The following MLIP variants were observed in gnomAD, a reference collection of about 807,000 sequenced individuals.
MLIP encodes the protein muscular LMNA-interacting protein.
MLIP carries 79 observed loss-of-function variants against 84.8 expected under a neutral mutation model. The ratio of observed to expected loss-of-function variants is 0.93; its 90% CI spans 0.78 to 1.12. The LOEUF is 1.12. MLIP is among the 50% of genes most tolerant of loss of function. The pLI is 0.00. For synonymous variants in MLIP, 504 were observed against 463.0 expected (o/e 1.09, Z -1.14); for missense variants, 1,257 against 1,160.6 (o/e 1.08, Z -1.21).
At chr6:54,191,137 G>A (rs1005777759) in intron 10 of MLIP, among the ~76,000 whole-genome samples, 1 of 151,996 alleles carries the variant, frequency 6.6e-6, no homozygotes, top group Non-Finnish European at 1.5e-5. Context: ...GTCTAAAATT[G>A]TAAATTCCTG....
intron 3 of MLIP, among the ~76,000 whole-genome samples, chr6:54,125,299 T>C (rs1000929948): frequency 6.6e-6 from 1 of 152,170 alleles, no homozygotes; most frequent in African/African-American, 2.4e-5. Context: ...CCATTGATTT[T>C]AAATTAGTAA....
chr6:54,107,626 T>G (rs1769112478), upstream of MLIP, among the ~76,000 whole-genome samples: 1 of 152,198 alleles, frequency 6.6e-6, no homozygotes, highest in Non-Finnish European at 1.5e-5. Context: ...GAAAACAACC[T>G]GACATGCATT....
intron 5 of MLIP, among the ~76,000 whole-genome samples, chr6:54,156,305 C>T (rs1774027998): frequency 6.6e-6 from 1 of 151,992 alleles, no homozygotes; most frequent in Non-Finnish European, 1.5e-5. Context: ...AAAATACAGC[C>T]TGAGTATTTT....
chr6:54,037,302 G>T (rs1483509245), intron 1 of MLIP, among the ~76,000 whole-genome samples: 1 of 151,928 alleles, frequency 6.6e-6, no homozygotes, highest in Non-Finnish European at 1.5e-5. Context: ...CTGAACTCTT[G>T]CTAATCTTCT....
chr6:54,200,028 G>A (rs1474621699), intron 10 of MLIP, among the ~76,000 whole-genome samples: 1 of 152,026 alleles, frequency 6.6e-6, no homozygotes, highest in Non-Finnish European at 1.5e-5. Context: ...TCAAATCCAG[G>A]AAACTCATAA....
rs1351172363 is a variant in MLIP at position 54,064,970 on chromosome 6, C to A, written c.63+45879C>A. Among the ~76,000 whole-genome samples, 50 of 99,292 alleles carry A rather than the reference C, an allele frequency of 5.0e-4. 19 individuals are homozygous for A. The highest frequency in any genetic ancestry group is 1.1e-3 in the Non-Finnish European group (39 of 34,566). 65.1% of individuals were successfully genotyped at this position (99,292 alleles called of 152,430 possible). On this transcript the variant is annotated intron_variant, in intron 1 of 12. Transcript: ENST00000274897. The stretch of plus-strand genomic sequence containing the variant: ...TAACCTACCAACATACAACAACAAC[C>A]ACAGAAAACACAAACTGATCTGAAG...
chr6:54,131,084 TAAG>T (rs1344571387), intron 3 of MLIP, among the ~76,000 whole-genome samples: 14 of 152,280 alleles, frequency 9.2e-5, no homozygotes, highest in African/African-American at 2.6e-4. Flanking sequence ...AGAAATCTGT[TAAG>T]AAGTTAGTGG....
chr6:54,254,248 T>A (rs543313975), intron 12 of MLIP, among the ~76,000 whole-genome samples: 5 of 151,330 alleles, frequency 3.3e-5, no homozygotes, highest in Non-Finnish European at 7.4e-5. Flanking sequence ...TGCCTCAGCC[T>A]CCTGAGTAGC....
intron 8 of MLIP, among the ~76,000 whole-genome samples, chr6:54,165,472 C>T (rs964689468): frequency 6.6e-6 from 1 of 151,898 alleles, no homozygotes; most frequent in South Asian, 2.1e-4. Flanking sequence ...TCTTTACAAC[C>T]CTCAGATTTT....
At chr6:54,241,610 G>C (rs973867437) in intron 12 of MLIP, among the ~76,000 whole-genome samples, 3 of 151,930 alleles carry the variant, frequency 2.0e-5, no homozygotes, top group Non-Finnish European at 4.4e-5. Context: ...AAAAATTAAA[G>C]TGCCCTTTTC....
intron 8 of MLIP, among the ~76,000 whole-genome samples, chr6:54,163,566 T>G (rs553934955): frequency 7.1e-4 from 108 of 152,136 alleles, no homozygotes; most frequent in African/African-American, 2.6e-3. Context: ...TTATGCTTAA[T>G]TTTGTATCAA....
rs201215993 is a variant in MLIP, at chr6:54,031,453, G to A, written c.63+12362G>A. On this transcript the variant is annotated intron_variant, in intron 1 of 12. Transcript: ENST00000274897. ...TATGTTCTTGGCACCTTGTAAGCCTGATACGTGGAAAGTGGTACTCAAACC... is the reference window on the plus strand; with the variant it reads ...TATGTTCTTGGCACCTTGTAAGCCTAATACGTGGAAAGTGGTACTCAAACC... The A allele has an allele frequency of 5.3e-5, 8 of 152,312 alleles. No homozygotes were observed. The East Asian group carries it at 1.4e-3, about 26-fold the overall frequency. 9.4% of individuals were successfully genotyped at this position (152,312 alleles called of 1,614,324 possible). A position where few individuals can be genotyped will look rare whatever the true frequency, so the allele number is the denominator to read the frequency against.
chr6:54,185,978 G>A (rs1777350477), intron 9 of MLIP, among the ~76,000 whole-genome samples: 1 of 152,142 alleles, frequency 6.6e-6, no homozygotes, highest in Non-Finnish European at 1.5e-5. Context: ...ACTTAGCCAA[G>A]ACACCCTACT....
chr6:54,226,620 AT>A (rs766635215), intron 11 of MLIP, among the ~76,000 whole-genome samples: 3 of 150,902 alleles, frequency 2.0e-5, no homozygotes, highest in Non-Finnish European at 2.9e-5. Context: ...CAAAAAAAAA[AT>A]GACCAAACAG....
chr6:54,146,454 C>T (rs1045260548), intron 4 of MLIP, among the ~76,000 whole-genome samples: 2 of 152,000 alleles, frequency 1.3e-5, no homozygotes, highest in African/African-American at 4.8e-5. Context: ...GTGAAGGAAG[C>T]AATATAATTA....
intron 1 of MLIP, chr6:54,043,522 C>T (rs1432545612): frequency 1.3e-5 from 2 of 152,260 alleles, no homozygotes; most frequent in African/African-American, 4.8e-5. Context: ...CTAAAGAAAG[C>T]TGCTCCACCC....
At chr6:54,094,079 A>G (rs766961589) in intron 1 of MLIP, among the ~76,000 whole-genome samples, 3 of 152,210 alleles carry the variant, frequency 2.0e-5, no homozygotes, top group Middle Eastern at 3.2e-3. Context: ...GATAGAAATA[A>G]TAAATTTTGA....
intron 11 of MLIP, among the ~76,000 whole-genome samples, chr6:54,209,820 A>C (rs1451752850): frequency 2.0e-5 from 3 of 152,190 alleles, no homozygotes; most frequent in Non-Finnish European, 4.4e-5. Context: ...GTATAGCACT[A>C]AAACTTAGAG....
chr6:54,201,100 C>T (rs1778646080), intron 10 of MLIP, among the ~76,000 whole-genome samples: 1 of 152,186 alleles, frequency 6.6e-6, no homozygotes, highest in Non-Finnish European at 1.5e-5. Flanking sequence ...CTTTCTGTGA[C>T]ATTTTACGGG....
Sources: gnomAD v4.1 joint callset for allele counts (sites outside exome capture counted in the v4.1 genomes callset) on GRCh38, gnomAD v4.1.1 for gene constraint, MANE v1.5 for transcripts, NCBI Gene and HGNC (gene_info 2026-07-23, HGNC 2026-07-21) for gene names.